Variants in MID1 observed in about 807,000 individuals in gnomAD.
The protein encoded by MID1 is E3 ubiquitin-protein ligase Midline-1.
Under a neutral mutation model 40.4 loss-of-function variants are expected in MID1, and 7 were observed. The observed-to-expected ratio is 0.17, with a 90% CI of 0.10 to 0.33. MID1 has a LOEUF of 0.33. MID1 is among the 10% of genes least tolerant of loss of function. The pLI is 1.00. For synonymous variants in MID1, 229 were observed against 221.2 expected (o/e 1.04, Z -0.31); for missense variants, 367 against 558.5 (o/e 0.66, Z 3.46).
chrX:10,514,226 T>G (rs991390999), intron 3 of MID1, among the ~76,000 whole-genome samples: 1 of 112,154 alleles, frequency 8.9e-6, no homozygotes, highest in Non-Finnish European at 1.9e-5. Flanking sequence ...CCACCCAAAC[T>G]AGAAAGATTT....
chrX:10,480,519 G>T (rs1302124513), intron 5 of MID1, among the ~76,000 whole-genome samples: 1 of 112,401 alleles, frequency 8.9e-6, no homozygotes, highest in Non-Finnish European at 1.9e-5. Context: ...CTGGATTCCG[G>T]TTGGAAACCG....
rs749995175 is a variant in MID1, at chrX:10,567,208, C to T, written c.340G>A (p.Ala114Thr). 12 of 1,209,395 alleles carry T rather than the reference C, an allele frequency of 9.9e-6. No individual in the cohort carries two copies. The highest frequency in any genetic ancestry group is 1.2e-5 in the Non-Finnish European group (11 of 894,974). ...RAFDANTMTS[A>T]EKVLCQFCDQ... The stretch of plus-strand genomic sequence containing the variant: ...CAAAACTGGCAGAGGACCTTCTCGG[C>T]GGAGGTCATGGTGTTGGCGTCAAAG... Residue 114 changes from alanine to threonine, a missense_variant, in exon 2 of 10, where the codon GCC (alanine) becomes ACC (threonine). By Grantham distance (58) the Ala-to-Thr change is moderately conservative (BLOSUM62 0). Around this residue, in one of 3 missense-constraint regions of MID1, gnomAD observed 78 missense variants for 112.6 expected, o/e 0.69. Coordinates refer to ENST00000317552, the MANE Select transcript of MID1 (RefSeq NM_000381.4).
intron 1 of MID1, among the ~76,000 whole-genome samples, chrX:10,675,858 C>A (rs1312779989): frequency 1.8e-5 from 2 of 111,335 alleles, no homozygotes; most frequent in Non-Finnish European, 3.8e-5. Flanking sequence ...GACTCTAGGG[C>A]AGCTTCCTCA....
intron 7 of MID1, among the ~76,000 whole-genome samples, chrX:10,461,075 G>A (rs1028774496): frequency 8.4e-5 from 6 of 71,092 alleles, no homozygotes; most frequent in Admixed American, 4.2e-4. Flanking sequence ...GTACACATCA[G>A]TGAATTAAAT....
Position 10,457,931 on chromosome X carries a change from T to C in MID1, c.1447+1715A>G, listed in dbSNP as rs760402730. ...CCTACCTTGGAAAGCCTCTCAAGGTTGTGCTGGGGCACCCTGGCTTTGTCA... is the reference window on the plus strand; with the variant it reads ...CCTACCTTGGAAAGCCTCTCAAGGTCGTGCTGGGGCACCCTGGCTTTGTCA... On this transcript the variant is annotated intron_variant, in intron 8 of 9. Transcript: ENST00000317552. Among the ~76,000 whole-genome samples, 8 of 113,070 alleles carry C rather than the reference T, an allele frequency of 7.1e-5. No homozygotes were observed. In the South Asian group the frequency reaches 2.9e-3, roughly 41 times the overall value.
chrX:10,700,525 C>G (rs899844637), intron 1 of MID1, among the ~76,000 whole-genome samples: 9 of 111,194 alleles, frequency 8.1e-5, no homozygotes, highest in African/African-American at 2.9e-4. Flanking sequence ...TGCACTCCAG[C>G]CTGGGCAACA....
At chrX:10,604,442 A>G (rs1935589001) in intron 1 of MID1, among the ~76,000 whole-genome samples, 2 of 111,797 alleles carry the variant, frequency 1.8e-5, no homozygotes, top group South Asian at 7.4e-4. Flanking sequence ...TTTAAAATCT[A>G]GCAGGACTTC....
intron 1 of MID1, among the ~76,000 whole-genome samples, chrX:10,806,247 G>A (rs865974123): frequency 1.8e-5 from 2 of 111,763 alleles, no homozygotes; most frequent in African/African-American, 6.5e-5. Flanking sequence ...ATTAATTTTT[G>A]TATAAGGTGT....
intron 1 of MID1, among the ~76,000 whole-genome samples, chrX:10,619,495 C>T (rs761302815): frequency 8.9e-6 from 1 of 112,595 alleles, no homozygotes; most frequent in African/African-American, 3.2e-5. Flanking sequence ...TCTTCCATAA[C>T]TTTGATTGAG....
intron 1 of MID1, among the ~76,000 whole-genome samples, chrX:10,685,780 AT>A (rs2043091253): frequency 9.1e-6 from 1 of 110,121 alleles, no homozygotes; most frequent in Non-Finnish European, 1.9e-5. Context: ...CATTAAATAC[AT>A]TTGTGTGCCT....
At chrX:10,536,813 C>A (rs1358588289) in intron 2 of MID1, among the ~76,000 whole-genome samples, 1 of 112,302 alleles carries the variant, frequency 8.9e-6, no homozygotes, top group Non-Finnish European at 1.9e-5. Context: ...CTGCTTCTCT[C>A]CCCACTTTCC....
chrX:10,673,445 A>C, intron 1 of MID1, among the ~76,000 whole-genome samples: 1 of 112,289 alleles, frequency 8.9e-6, no homozygotes. Flanking sequence ...TAACTGAGCA[A>C]ATCTAAAATA....
intron 1 of MID1, among the ~76,000 whole-genome samples, chrX:10,805,437 A>G (rs1250162956): frequency 4.6e-5 from 5 of 107,844 alleles, no homozygotes; most frequent in African/African-American, 1.4e-4. Flanking sequence ...TCCATGGTGT[A>G]TATGTGCCAC....
chrX:10,698,696 T>G (rs1334855791), intron 1 of MID1, among the ~76,000 whole-genome samples: 1 of 101,966 alleles, frequency 9.8e-6, no homozygotes, highest in East Asian at 3.0e-4. Flanking sequence ...TGAAGGCAAT[T>G]GAGAAACAGC....
chrX:10,699,921 C>G (rs1482033520), intron 1 of MID1, among the ~76,000 whole-genome samples: 2 of 108,621 alleles, frequency 1.8e-5, no homozygotes, highest in Admixed American at 9.9e-5. Flanking sequence ...CTCCTGGGTT[C>G]AAGTGATTTT....
At chrX:10,661,743 A>G (rs1378318678) in intron 1 of MID1, among the ~76,000 whole-genome samples, 1 of 112,404 alleles carries the variant, frequency 8.9e-6, no homozygotes, top group African/African-American at 3.2e-5. Flanking sequence ...TTACTATTAC[A>G]GAACCATATG....
intron 4 of MID1, among the ~76,000 whole-genome samples, chrX:10,490,404 T>G (rs906239270): frequency 7.1e-5 from 8 of 112,131 alleles, no homozygotes; most frequent in African/African-American, 2.6e-4. Context: ...ATGTCAGATG[T>G]TTCAGTCTTT....
intron 2 of MID1, among the ~76,000 whole-genome samples, chrX:10,561,322 A>T (rs1303512059): frequency 9.3e-6 from 1 of 107,158 alleles, no homozygotes; most frequent in Non-Finnish European, 1.9e-5. Context: ...GGATCTCATG[A>T]CTAAAACACC....
At chrX:10,694,962 T>C (rs1819378172) in intron 1 of MID1, among the ~76,000 whole-genome samples, 1 of 111,267 alleles carries the variant, frequency 9.0e-6, no homozygotes, top group African/African-American at 3.3e-5. Flanking sequence ...ACTGCCCTTG[T>C]AAAACTAATG....
Sources: gnomAD v4.1 joint callset for allele counts (sites outside exome capture counted in the v4.1 genomes callset) on GRCh38, gnomAD v4.1.1 for gene constraint, gnomAD v4.1.1 regional missense constraint, MANE v1.5 for transcripts, NCBI Gene and HGNC (gene_info 2026-07-23, HGNC 2026-07-21) for gene names.